Variants in CAPN13 observed in about 807,000 individuals in gnomAD.
CAPN13 encodes the protein calpain 13, also known as calpain-13.
CAPN13 carries 90 observed loss-of-function variants against 98.4 expected under a neutral mutation model. That is an observed-to-expected ratio of 0.92 (90% confidence interval 0.77 to 1.09). The LOEUF (loss-of-function observed/expected upper bound fraction) is 1.09. Among genes scored for constraint, CAPN13 ranks in the 50% least tolerant of loss-of-function variants. The pLI, the probability that CAPN13 is intolerant of heterozygous loss-of-function variation, is 0.00. For synonymous variants in CAPN13, 330 were observed against 305.5 expected, an observed-to-expected ratio of 1.08 and a Z score of -0.84; for missense variants, 887 against 841.3, an observed-to-expected ratio of 1.05 and a Z score of -0.67.
intron 11 of CAPN13, among the ~76,000 whole-genome samples, chr2:30,749,249 C>T (rs1672060888): frequency 6.6e-6 from 1 of 152,182 alleles, no homozygotes; most frequent in Admixed American, 6.5e-5. Flanking sequence ...AAAGGAAATG[C>T]TCATTGGAGC....
chr2:30,737,956 G>C lies in CAPN13; in HGVS notation c.1653+279C>G, dbSNP rs1292720231. On this transcript the variant is annotated intron_variant, in intron 17 of 22. Coordinates refer to ENST00000295055, the MANE Select transcript of CAPN13 (RefSeq NM_144575.3). ...TTTTGTATCAGAGGGATTGCTTCAA[G>C]AATTATAAGGACACACACACACACA... is the stretch of plus-strand genomic sequence containing the variant. The C allele has an allele frequency of 1.6e-5, 7 of 424,408 alleles. No homozygotes were observed. In the East Asian group the frequency reaches 2.1e-4, roughly 13 times the overall value. 26.3% of individuals were successfully genotyped at this position (424,408 alleles called of 1,614,324 possible).
At chr2:30,740,255 C>T (rs1009538885) in intron 15 of CAPN13, among the ~76,000 whole-genome samples, 4 of 152,008 alleles carry the variant, frequency 2.6e-5, no homozygotes, top group Non-Finnish European at 4.4e-5. Context: ...CTACCATGCC[C>T]GGCTAATTTT....
chr2:30,757,542 C>T lies in CAPN13; in HGVS notation c.866+504G>A, dbSNP rs114771882. Among the ~76,000 whole-genome samples, 502 of 152,320 alleles carry T rather than the reference C, an allele frequency of 3.3e-3. 2 individuals are homozygous for T. The highest frequency in any genetic ancestry group is 0.012 in the African/African-American group (488 of 41,588). ...TGAGTAGATTGGACAAAAACATCAT[C>T]CAGATCTTTGCATCAGTTTCCCCAA... On this transcript the variant is annotated intron_variant, in intron 8 of 22. Transcript: ENST00000295055.
intron 17 of CAPN13, 56 bp from the exon 18 acceptor site, chr2:30,736,627 A>G: frequency 6.5e-7 from 1 of 1,536,866 alleles, no homozygotes; most frequent in African/African-American, 1.4e-5. Context: ...AGGGGCTGCC[A>G]TCCTGCCAAC....
At position 30,742,317 on chromosome 2, in the gene CAPN13, C is replaced by T. The variant is rs776745490; in HGVS notation, c.1479+9G>A. The stretch of plus-strand genomic sequence containing the variant: ...GAGGCTCGCCAGCCAAACCTTGCTG[C>T]ATACCTACCTTCATTCTGAGGTTGA... On this transcript the variant is annotated intron_variant, in intron 14 of 22. Transcript: ENST00000295055. The T allele has an allele frequency of 7.5e-6, 12 of 1,601,800 alleles. No homozygotes were observed. The highest frequency in any genetic ancestry group is 1.0e-5 in the Non-Finnish European group (12 of 1,174,182).
At chr2:30,777,842 A>G (rs973258178) in intron 2 of CAPN13, among the ~76,000 whole-genome samples, 2 of 152,214 alleles carry the variant, frequency 1.3e-5, no homozygotes, top group Non-Finnish European at 2.9e-5. Context: ...GTAACTGACA[A>G]GACAGGCCAT....
At chr2:30,734,072 G>A (rs546369430) in intron 19 of CAPN13, among the ~76,000 whole-genome samples, 2 of 152,236 alleles carry the variant, frequency 1.3e-5, no homozygotes, top group African/African-American at 4.8e-5. Flanking sequence ...AAGAGAGAGA[G>A]CGATCATCAG....
intron 8 of CAPN13, among the ~76,000 whole-genome samples, chr2:30,755,344 A>G (rs1247126159): frequency 1.3e-5 from 2 of 152,076 alleles, no homozygotes; most frequent in Non-Finnish European, 2.9e-5. Flanking sequence ...ATGTCTCACT[A>G]GACTCCCAGA....
chr2:30,767,326 A>G (rs905676031), intron 5 of CAPN13, among the ~76,000 whole-genome samples: 1 of 152,198 alleles, frequency 6.6e-6, no homozygotes, highest in African/African-American at 2.4e-5. Flanking sequence ...AACAGCTTTA[A>G]TAGTTTGAGA....
intron 22 of CAPN13, among the ~76,000 whole-genome samples, chr2:30,726,190 G>A (rs143609354): frequency 2.6e-5 from 4 of 152,198 alleles, no homozygotes; most frequent in African/African-American, 9.7e-5. Flanking sequence ...CATCAAGCAA[G>A]TAATGAAAAG....
chr2:30,798,525 C>T (rs543017615), intron 1 of CAPN13, among the ~76,000 whole-genome samples: 4 of 152,176 alleles, frequency 2.6e-5, no homozygotes, highest in Admixed American at 6.5e-5. Context: ...TGTCCCTGTC[C>T]GCAGGATGCT....
intron 11 of CAPN13, among the ~76,000 whole-genome samples, chr2:30,748,411 C>G (rs533138997): frequency 1.9e-4 from 29 of 152,152 alleles, no homozygotes; most frequent in Non-Finnish European, 3.8e-4. Context: ...CTCACAACGT[C>G]GATGGGATGC....
chr2:30,764,511 C>T (rs1673013924), intron 5 of CAPN13, among the ~76,000 whole-genome samples: 1 of 152,314 alleles, frequency 6.6e-6, no homozygotes, highest in East Asian at 1.9e-4. Flanking sequence ...TCTGTACCTT[C>T]CTGCCCTGGT....
intron 2 of CAPN13, among the ~76,000 whole-genome samples, chr2:30,782,534 C>A (rs1465838705): frequency 1.3e-5 from 2 of 152,174 alleles, no homozygotes; most frequent in Non-Finnish European, 2.9e-5. Context: ...CTCTTCCTTT[C>A]CTGAAGAGCA....
Position 30,738,286 on chromosome 2 carries a change from T to G in CAPN13, c.1602A>C (p.Pro534=). 6.2e-7 allele frequency: 1 copy of G among 1,613,868 alleles called. No homozygotes were observed. Among genetic ancestry groups the G allele is most frequent in the Non-Finnish European group, 8.5e-7 (1 of 1,179,856 alleles). The change falls in exon 17 of 23, where the codon CCA becomes CCC. Residue 534 remains proline, a synonymous_variant. Coordinates refer to ENST00000295055, the MANE Select transcript of CAPN13 (RefSeq NM_144575.3). ...LLNQELLTGP[P]GDMFSLDECR... ...ACTCATCTAAGGAGAACATGTCCCCTGGAGGTCCTGAGGAGAGAAGGACAG... is the reference window on the plus strand; with the variant it reads ...ACTCATCTAAGGAGAACATGTCCCCGGGAGGTCCTGAGGAGAGAAGGACAG...
chr2:30,764,521 TC>T (rs966144324), intron 5 of CAPN13, among the ~76,000 whole-genome samples: 1 of 151,976 alleles, frequency 6.6e-6, no homozygotes, highest in Non-Finnish European at 1.5e-5. Flanking sequence ...CCTGCCCTGG[TC>T]CCCCAGGCCT....
At chr2:30,752,918 C>T (rs1178576435) in intron 10 of CAPN13, 135 bp downstream of exon 10, 2 of 961,166 alleles carry the variant, frequency 2.1e-6, no homozygotes, top group African/African-American at 1.6e-5. Context: ...TCTCTTCATG[C>T]TGACAAACTC....
intron 8 of CAPN13, among the ~76,000 whole-genome samples, chr2:30,755,447 C>A (rs1202869222): frequency 2.6e-5 from 4 of 152,186 alleles, no homozygotes; most frequent in African/African-American, 9.7e-5. Flanking sequence ...AAAGTAATTG[C>A]ATGCCTAATA....
intron 9 of CAPN13, 134 bp downstream of exon 9, chr2:30,754,156 A>C (rs1331930406): frequency 1.1e-5 from 6 of 565,874 alleles, no homozygotes; most frequent in African/African-American, 7.8e-5. Context: ...GTCTTGGTAG[A>C]GAAAATAGGC....
Sources: allele counts gnomAD v4.1 joint callset (sites outside exome capture counted in the v4.1 genomes callset), GRCh38; gene constraint gnomAD v4.1.1; transcripts MANE v1.5; gene names NCBI Gene and HGNC (gene_info 2026-07-23, HGNC 2026-07-21).